Variants in RPS6KA1 observed in about 807,000 individuals in gnomAD.
RPS6KA1 encodes ribosomal protein S6 kinase A1, also known as ribosomal protein S6 kinase alpha-1.
Under a neutral mutation model 91.3 loss-of-function variants are expected in RPS6KA1, and 48 were observed. The observed-to-expected ratio is 0.53, with a 90% CI of 0.42 to 0.67. The LOEUF is 0.67. Among genes scored for constraint, RPS6KA1 ranks in the 30% least tolerant of loss-of-function variants. The pLI, the probability that RPS6KA1 is intolerant of heterozygous loss-of-function variation, is 0.00. For synonymous variants in RPS6KA1, 359 were observed against 384.7 expected (o/e 0.93, Z 0.78); for missense variants, 719 against 960.5 (o/e 0.75, Z 3.32).
In RPS6KA1 at chr1:26,551,262, C is replaced by G; in HGVS notation, c.308-135C>G. The G allele has an allele frequency of 1.4e-6, 1 of 725,152 alleles. No individual in the cohort carries two copies. Among genetic ancestry groups the G allele is most frequent in the Non-Finnish European group, 2.4e-6 (1 of 422,198 alleles). 44.9% of individuals were successfully genotyped at this position (725,152 alleles called of 1,614,324 possible). ...GAGGAAACCTGAGGATTGAGTGTCC[C>G]CAAAGCCCTGGGTGAGGGGGCTTTG... On this transcript the variant is annotated intron_variant, in intron 4 of 21. Coordinates refer to ENST00000374168, the MANE Select transcript of RPS6KA1 (RefSeq NM_002953.4). This position sits in a 1 kb window ranked among gnomAD's most constrained non-coding sequence, Gnocchi z 4.5.
At chr1:26,562,295 TAAG>T (rs989327668) in intron 17 of RPS6KA1, among the ~76,000 whole-genome samples, 7 of 152,160 alleles carry the variant, frequency 4.6e-5, no homozygotes, top group African/African-American at 1.7e-4. Flanking sequence ...ACTTCACAGG[TAAG>T]AAGACCGGAG....
chr1:26,573,073 G>A (rs1570468169), intron 20 of RPS6KA1, 151 bp from the exon 21 acceptor site: 2 of 752,212 alleles, frequency 2.7e-6, no homozygotes, highest in South Asian at 1.8e-5. Flanking sequence ...GCTGTGTGCG[G>A]GGAGCCCTGG....
intron 1 of RPS6KA1, 66 bp downstream of exon 1, chr1:26,530,049 C>T (rs1233858847): frequency 1.8e-6 from 2 of 1,124,102 alleles, no homozygotes; most frequent in Non-Finnish European, 2.3e-6. Flanking sequence ...AGGGGCGGGG[C>T]GGCCCGAAGC....
Position 26,561,429 on chromosome 1 carries a change from T to C in RPS6KA1, c.1432-76T>C. 1.3e-6 allele frequency: 2 copies of C among 1,585,348 alleles called. No homozygotes were observed. Among genetic ancestry groups the C allele is most frequent in the South Asian group, 2.2e-5 (2 of 90,082 alleles). On this transcript the variant is annotated intron_variant, in intron 16 of 21. Transcript: ENST00000374168. This position sits in a 1 kb window ranked among gnomAD's most constrained non-coding sequence, Gnocchi z 5.7. ...GCCCAAGGCTCATGTCATTCTTCCC[T>C]GCTCTGGGGCGCTGCTGACCAGGGG...
intron 17 of RPS6KA1, among the ~76,000 whole-genome samples, chr1:26,562,735 C>T (rs1390804951): frequency 6.6e-6 from 1 of 151,846 alleles, no homozygotes; most frequent in Non-Finnish European, 1.5e-5. Flanking sequence ...GCTATGAATC[C>T]ACCTGGCTGA....
At chr1:26,532,965 C>A (rs1189301642) in intron 1 of RPS6KA1, among the ~76,000 whole-genome samples, 1 of 152,202 alleles carries the variant, frequency 6.6e-6, no homozygotes, top group Non-Finnish European at 1.5e-5. Flanking sequence ...GCACCATTGT[C>A]CCCATTCAGT....
At chr1:26,530,529 G>C (rs542441642) in intron 1 of RPS6KA1, among the ~76,000 whole-genome samples, 1 of 152,230 alleles carries the variant, frequency 6.6e-6, no homozygotes, top group Non-Finnish European at 1.5e-5. Context: ...CCTGAGGCTA[G>C]GGCCAGAGGA....
chr1:26,573,376 G>A lies in RPS6KA1; in HGVS notation c.2085+15G>A. The A allele has an allele frequency of 6.2e-7, 1 of 1,613,938 alleles. No homozygotes were observed. The highest frequency in any genetic ancestry group is 8.5e-7 in the Non-Finnish European group (1 of 1,179,936). On this transcript the variant is annotated intron_variant, in intron 21 of 21. Transcript: ENST00000374168. ...AGCTTGTGAAGGTATGGCCACCCTTGGGCTGCTGGGCATCTGGGGGGTCAG... is the reference window on the plus strand; with the variant it reads ...AGCTTGTGAAGGTATGGCCACCCTTAGGCTGCTGGGCATCTGGGGGGTCAG...
intron 2 of RPS6KA1, among the ~76,000 whole-genome samples, chr1:26,543,782 CTCTGCCACTGTTTGCT>C (rs1386541450): frequency 6.6e-6 from 1 of 152,210 alleles, no homozygotes. Context: ...TCCAAGCTAC[CTCTGCCACTGTTTGCT>C]TTGAGCCTTG....
rs2076104831 is a variant in RPS6KA1, at chr1:26,556,707, A to G, written c.970A>G (p.Ile324Val). The change falls in exon 12 of 22, where the codon ATT becomes GTT. Residue 324 changes from isoleucine (I) to valine (V), a missense_variant. By Grantham distance (29) the Ile-to-Val change is conservative. Around this residue, in one of 5 missense-constraint regions of RPS6KA1, gnomAD observed 228 missense variants for 247.6 expected, o/e 0.92. Transcript: ENST00000374168. The stretch of plus-strand genomic sequence containing the variant: ...CAAGCGGCATGTCTTCTACTCCACC[A>G]TTGACTGGAATGTGAGTGTGTCCAC... ...EIKRHVFYST[I>V]DWNKLYRREI... is the part of the protein sequence containing the mutation. 14 of 1,613,990 alleles carry G rather than the reference A, an allele frequency of 8.7e-6. No individual in the cohort carries two copies. In the East Asian group the frequency reaches 2.9e-4, roughly 33 times the overall value.
At chr1:26,552,572 C>T (rs566273278) in intron 6 of RPS6KA1, among the ~76,000 whole-genome samples, 13 of 149,660 alleles carry the variant, frequency 8.7e-5, no homozygotes, top group African/African-American at 2.2e-4. Flanking sequence ...CTGCAACCTC[C>T]GCCTCCCGGG....
intron 17 of RPS6KA1, among the ~76,000 whole-genome samples, chr1:26,565,632 G>C (rs1020121862): frequency 6.6e-6 from 1 of 151,212 alleles, no homozygotes; most frequent in Non-Finnish European, 1.5e-5. Flanking sequence ...ATGGTCTTTG[G>C]CTCACTGCAA....
chr1:26,545,843 C>T, intron 2 of RPS6KA1: 1 of 1,496,180 alleles, frequency 6.7e-7, no homozygotes, highest in South Asian at 1.3e-5. Flanking sequence ...CCGGCCACCA[C>T]TGCGGCAGCC....
intron 2 of RPS6KA1, among the ~76,000 whole-genome samples, chr1:26,539,857 C>G (rs1305642559): frequency 6.6e-6 from 1 of 152,230 alleles, no homozygotes; most frequent in East Asian, 1.9e-4. Context: ...CCAGCTATCT[C>G]CGGAGCTGGA....
chr1:26,530,961 A>G (rs1449007739), intron 1 of RPS6KA1: 4 of 1,107,132 alleles, frequency 3.6e-6, no homozygotes, highest in Non-Finnish European at 4.6e-6. Context: ...TGGAGACCTC[A>G]TTTGAGCCCA....
chr1:26,538,879 A>AG (rs1194526681), intron 2 of RPS6KA1, among the ~76,000 whole-genome samples: 2 of 152,196 alleles, frequency 1.3e-5, no homozygotes, highest in East Asian at 3.9e-4. Context: ...TTAATACACC[A>AG]GGGGGCGCTC....
Position 26,574,560 on chromosome 1 carries a change from CTT to C in RPS6KA1, c.*361_*362del, listed in dbSNP as rs2076280224. ...AGTCACGCTGGGGCTCTCTGAGACT[CTT>C]TAGAGCAGCTTTGGGATCCCACCCT... On this transcript the variant is annotated 3_prime_UTR_variant, in exon 22 of 22. Transcript: ENST00000374168. This position sits in a 1 kb window ranked among gnomAD's most constrained non-coding sequence, Gnocchi z 4.3. The C allele has an allele frequency of 2.3e-6, 1 of 433,712 alleles. No homozygotes were observed. Among genetic ancestry groups the C allele is most frequent in the Non-Finnish European group, 4.6e-6 (1 of 217,550 alleles). The allele number at this position is 433,712 out of a possible 1,614,324, so 26.9% of individuals were successfully genotyped here.
chr1:26,571,458 A>G lies in RPS6KA1; in HGVS notation c.1600A>G (p.Arg534Gly). 1 of 1,614,098 alleles carries G rather than the reference A, an allele frequency of 6.2e-7. No homozygotes were observed. The highest frequency in any genetic ancestry group is 8.5e-7 in the Non-Finnish European group (1 of 1,180,008). The change falls in exon 18 of 22, where the codon AGG (arginine) becomes GGG (glycine). Residue 534 changes from arginine (R) to glycine (G), a missense_variant. By Grantham distance (125) the Arg-to-Gly change is moderately radical. Around this residue, in one of 5 missense-constraint regions of RPS6KA1, gnomAD observed 249 missense variants for 323.1 expected, o/e 0.77. Transcript: ENST00000374168. This position sits in a 1 kb window ranked among gnomAD's most constrained non-coding sequence, Gnocchi z 5.1. ...EYLHSQGVVH[R>G]DLKPSNILYV... ...AGCCCCCTGCCCCTAGGTTGTGCAC[A>G]GGGACCTGAAGCCCAGCAACATCCT...
At chr1:26,543,054 A>G in intron 2 of RPS6KA1, 1 of 1,161,536 alleles carries the variant, frequency 8.6e-7, no homozygotes, top group Admixed American at 2.1e-5. Context: ...CAGAGGGGGA[A>G]GTGAGAAGGA....
Sources: gnomAD v4.1 joint callset for allele counts (sites outside exome capture counted in the v4.1 genomes callset) on GRCh38, gnomAD v4.1.1 for gene constraint, gnomAD v4.1.1 regional missense constraint, Gnocchi (gnomAD v3.1) non-coding constraint, MANE v1.5 for transcripts, NCBI Gene and HGNC (gene_info 2026-07-23, HGNC 2026-07-21) for gene names.